Variants in MRAP observed in about 807,000 individuals in gnomAD.
The protein encoded by MRAP is melanocortin 2 receptor accessory protein.
Under a neutral mutation model 8.7 loss-of-function variants are expected in MRAP, and 8 were observed. The ratio of observed to expected loss-of-function variants is 0.92; its 90% CI spans 0.54 to 1.66. MRAP has a LOEUF of 1.66. Ranked by LOEUF, MRAP falls within the 40% of genes most tolerant of loss-of-function variation. The probability of loss-of-function intolerance (pLI) is 0.00; values close to 1 mark genes in which losing one functional copy is unlikely to be tolerated. For missense variants in MRAP, 237 were observed against 217.1 expected, an observed-to-expected ratio of 1.09 and a Z score of -0.58; for synonymous variants, 95 against 95.5, an observed-to-expected ratio of 1.00 and a Z score of 0.03.
intron 2 of MRAP, among the ~76,000 whole-genome samples, chr21:32,309,397 C>T (rs1239454765): frequency 2.0e-5 from 3 of 152,048 alleles, no homozygotes; most frequent in Admixed American, 6.5e-5. Context: ...AGGCCATTTC[C>T]GCTCACCTTT....
At chr21:32,293,285 G>A (rs1029776163) in intron 2 of MRAP, among the ~76,000 whole-genome samples, 15 of 151,876 alleles carry the variant, frequency 9.9e-5, no homozygotes, top group Non-Finnish European at 2.2e-4. Flanking sequence ...CCTTGTTTGA[G>A]TCCCATAAGA....
rs537525538 is a variant in MRAP, at chr21:32,304,965, G to GTTTTT, written c.107-1654_107-1650dup. On this transcript the variant is annotated intron_variant, in intron 1 of 2. Coordinates refer to ENST00000303645, the MANE Select transcript of MRAP (RefSeq NM_001379228.1). ...TTGAGGGGGATTTGTTTTTTTTGTT[G>GTTTTT]TTTTTTTTTTTTTTTTTTTTTTTTT... Among the ~76,000 whole-genome samples, 124 of 78,106 alleles carry GTTTTT rather than the reference G, an allele frequency of 1.6e-3. 3 individuals are homozygous for GTTTTT. The highest frequency in any genetic ancestry group is 3.6e-3 in the African/African-American group (76 of 20,982). The allele number at this position is 78,106 out of a possible 152,430, so 51.2% of individuals were successfully genotyped here. A position where few individuals can be genotyped will look rare whatever the true frequency, so the allele number is the denominator to read the frequency against.
intron 2 of MRAP, among the ~76,000 whole-genome samples, chr21:32,308,999 T>C (rs2032485563): frequency 6.6e-6 from 1 of 152,212 alleles, no homozygotes; most frequent in African/African-American, 2.4e-5. Flanking sequence ...TGAAGAGCCG[T>C]GGACTCGCGC....
chr21:32,310,342 G>C lies in MRAP; in HGVS notation c.207-1342G>C, dbSNP rs375264883. On this transcript the variant is annotated intron_variant, in intron 2 of 2. Coordinates refer to ENST00000303645, the MANE Select transcript of MRAP (RefSeq NM_001379228.1). ...GAGCTGACACCTTCCCATGATGGGGGGGGGAGGGGAGGAGGGAGGTGGGGA... is the reference window on the plus strand; with the variant it reads ...GAGCTGACACCTTCCCATGATGGGGCGGGGAGGGGAGGAGGGAGGTGGGGA... Among the ~76,000 whole-genome samples the C allele has an allele frequency of 6.6e-4, 101 of 152,320 alleles. 2 individuals are homozygous for C. The Middle Eastern group carries it at 0.017, about 26-fold the overall frequency.
intron 2 of MRAP, among the ~76,000 whole-genome samples, chr21:32,309,943 C>T (rs1232433014): frequency 2.0e-5 from 3 of 151,966 alleles, no homozygotes; most frequent in Non-Finnish European, 2.9e-5. Context: ...GAAATCTGTT[C>T]TTTTCTTTCA....
chr21:32,306,329 C>G, intron 1 of MRAP: 1 of 398,320 alleles, frequency 2.5e-6, no homozygotes, highest in Non-Finnish European at 4.8e-6. Context: ...CCTCTGAGCA[C>G]CACTAGGAGC....
chr21:32,305,145 T>A (rs536585649), intron 1 of MRAP, among the ~76,000 whole-genome samples: 203 of 151,368 alleles, frequency 1.3e-3, no homozygotes, highest in South Asian at 4.0e-3. Flanking sequence ...ATCAAAAAAA[T>A]TTTTTTTTAG....
chr21:32,293,138 G>A (rs1241087258), intron 2 of MRAP: 2 of 152,284 alleles, frequency 1.3e-5, no homozygotes, highest in Non-Finnish European at 2.9e-5. Flanking sequence ...AAAAGGTGAT[G>A]TGATAATGAA....
At chr21:32,313,864 A>G (rs1300201627), downstream of MRAP, 1 of 152,256 alleles carries the variant, frequency 6.6e-6, no homozygotes, top group African/African-American at 2.4e-5. Flanking sequence ...TATGACCATT[A>G]AGAGTAAAAT....
intron 1 of MRAP, among the ~76,000 whole-genome samples, chr21:32,300,718 C>T (rs965746086): frequency 4.6e-4 from 9 of 19,770 alleles, no homozygotes; most frequent in African/African-American, 7.9e-4. Context: ...CGTCCTATGT[C>T]GGGGCGTCAT....
At chr21:32,305,353 C>T (rs1307883223) in intron 1 of MRAP, among the ~76,000 whole-genome samples, 3 of 152,168 alleles carry the variant, frequency 2.0e-5, no homozygotes, top group Non-Finnish European at 2.9e-5. Flanking sequence ...TGCTATCTCT[C>T]AGGGGTCGTA....
chr21:32,310,381 C>T (rs1219225098), intron 2 of MRAP, among the ~76,000 whole-genome samples: 1 of 152,030 alleles, frequency 6.6e-6, no homozygotes, highest in African/African-American at 2.4e-5. Context: ...CATTCTTAGG[C>T]GAGTGCCATC....
At chr21:32,298,079 C>T (rs2032173990), upstream of MRAP, among the ~76,000 whole-genome samples, 2 of 152,324 alleles carry the variant, frequency 1.3e-5, no homozygotes, top group South Asian at 4.1e-4. Context: ...TCTAGGGTTC[C>T]TCTCACCTGT....
At chr21:32,294,143 C>T (rs1427566601), upstream of MRAP, among the ~76,000 whole-genome samples, 2 of 152,150 alleles carry the variant, frequency 1.3e-5, no homozygotes, top group African/African-American at 2.4e-5. Flanking sequence ...GAGACAGAGT[C>T]TTACTCAGTT....
intron 2 of MRAP, among the ~76,000 whole-genome samples, chr21:32,293,433 G>A (rs991013595): frequency 6.6e-6 from 1 of 152,128 alleles, no homozygotes; most frequent in Non-Finnish European, 1.5e-5. Flanking sequence ...GCACACTAAT[G>A]CACCCAGGTT....
upstream of MRAP, among the ~76,000 whole-genome samples, chr21:32,295,259 A>C (rs1431069617): frequency 2.0e-5 from 3 of 152,206 alleles, no homozygotes; most frequent in Non-Finnish European, 2.9e-5. Context: ...AAGGGGGCCA[A>C]GCGGGCAACT....
At chr21:32,310,344 G>T (rs188686971) in intron 2 of MRAP, among the ~76,000 whole-genome samples, 46 of 152,306 alleles carry the variant, frequency 3.0e-4, no homozygotes, top group Non-Finnish European at 5.3e-4. Flanking sequence ...TGATGGGGGG[G>T]GGAGGGGAGG....
chr21:32,312,029 T>G lies in MRAP; in HGVS notation c.*33T>G. On this transcript the variant is annotated 3_prime_UTR_variant, in exon 3 of 3. Coordinates refer to ENST00000303645, the MANE Select transcript of MRAP (RefSeq NM_001379228.1). ...AAATCGTGGCCATAGCTGAGTGAAC[T>G]GGTGAAATCAAGCCAACCTGGACAC... 1 of 1,612,246 alleles carries G rather than the reference T, an allele frequency of 6.2e-7. No individual in the cohort carries two copies. Among genetic ancestry groups the G allele is most frequent in the Non-Finnish European group, 8.5e-7 (1 of 1,180,018 alleles).
chr21:32,299,352 G>C (rs545281042), intron 1 of MRAP, among the ~76,000 whole-genome samples: 1 of 152,170 alleles, frequency 6.6e-6, no homozygotes, highest in Admixed American at 6.5e-5. Flanking sequence ...ATTTTATTTT[G>C]GAGATAGGGT....
Sources: gnomAD v4.1 joint callset for allele counts (sites outside exome capture counted in the v4.1 genomes callset) on GRCh38, gnomAD v4.1.1 for gene constraint, MANE v1.5 for transcripts, NCBI Gene and HGNC (gene_info 2026-07-23, HGNC 2026-07-21) for gene names.